MEIS2: variants seen among roughly 807,000 people sequenced by gnomAD.
The protein encoded by MEIS2 is homeobox protein Meis2.
MEIS2 carries 9 observed loss-of-function variants against 58.6 expected under a neutral mutation model. That is an observed-to-expected ratio of 0.15 (90% CI 0.09 to 0.27). The LOEUF is 0.27. Among genes scored for constraint, MEIS2 ranks in the 10% least tolerant of loss-of-function variants. The pLI, the probability that MEIS2 is intolerant of heterozygous loss-of-function variation, is 1.00. For synonymous variants in MEIS2, 221 were observed against 228.4 expected (o/e 0.97, Z 0.29); for missense variants, 427 against 635.0 (o/e 0.67, Z 3.52).
chr15:37,070,870 A>AT (rs577500566), intron 7 of MEIS2, among the ~76,000 whole-genome samples: 1 of 151,848 alleles, frequency 6.6e-6, no homozygotes, highest in Non-Finnish European at 1.5e-5. Context: ...TCAAAGCTTT[A>AT]TTTTTTTTAA....
chr15:36,995,649 G>A (rs1456253926), intron 8 of MEIS2, among the ~76,000 whole-genome samples: 2 of 117,270 alleles, frequency 1.7e-5, no homozygotes, highest in African/African-American at 6.3e-5. Context: ...CAGGAAACAA[G>A]GGTGATCCTA....
rs1555438306 is a variant in MEIS2 at position 36,971,553 on chromosome 15, A to AAAAAAAAAAAAAAAAAAAAAG, written c.901-21154_901-21153insCTTTTTTTTTTTTTTTTTTTT. On this transcript the variant is annotated intron_variant, in intron 8 of 11. Transcript: ENST00000561208. Reference sequence around the variant, plus strand: ...TTGTTACATTAAAAAAAAAAAAAAAAAAAAAAAAAAAGGGCTGTTCCAGTG... The same window carrying AAAAAAAAAAAAAAAAAAAAAG: ...TTGTTACATTAAAAAAAAAAAAAAAAAAAAAAAAAAAAAAAAAAAAGAAAAAAAAAAAGGGCTGTTCCAGTG... Among the ~76,000 whole-genome samples the AAAAAAAAAAAAAAAAAAAAAG allele has an allele frequency of 1.9e-3, 245 of 132,026 alleles. 11 individuals carry two copies. Among genetic ancestry groups the AAAAAAAAAAAAAAAAAAAAAG allele is most frequent in the East Asian group, 6.3e-3 (24 of 3,838 alleles). The allele number at this position is 132,026 out of a possible 152,430, so 86.6% of individuals were successfully genotyped here.
chr15:36,958,036 AG>A (rs1234927399), intron 8 of MEIS2, among the ~76,000 whole-genome samples: 15 of 152,286 alleles, frequency 9.8e-5, no homozygotes, highest in African/African-American at 2.9e-4. Flanking sequence ...ATTTGGGAGG[AG>A]GGGAAAGTGA....
intron 9 of MEIS2, among the ~76,000 whole-genome samples, chr15:36,916,279 T>G (rs2057275299): frequency 6.6e-6 from 1 of 151,848 alleles, no homozygotes; most frequent in Non-Finnish European, 1.5e-5. Flanking sequence ...TACAAAAAAT[T>G]AGCTGGGCGT....
chr15:37,018,008 G>A (rs561416526), intron 8 of MEIS2, among the ~76,000 whole-genome samples: 5 of 152,106 alleles, frequency 3.3e-5, no homozygotes, highest in Admixed American at 2.0e-4. Context: ...GTAAGTGCCT[G>A]GCCCATCATT....
intron 7 of MEIS2, among the ~76,000 whole-genome samples, chr15:37,047,133 C>A (rs1413177516): frequency 6.6e-6 from 1 of 152,056 alleles, no homozygotes; most frequent in Admixed American, 6.5e-5. Flanking sequence ...CATAATAAAG[C>A]TCTTCTGGGC....
intron 9 of MEIS2, among the ~76,000 whole-genome samples, chr15:36,906,395 A>T (rs182220606): frequency 6.6e-6 from 1 of 152,270 alleles, no homozygotes. Context: ...AATGAAAAAG[A>T]AGTAGGGTAT....
At chr15:37,007,903 GA>G (rs1160037930) in intron 8 of MEIS2, among the ~76,000 whole-genome samples, 1 of 152,140 alleles carries the variant, frequency 6.6e-6, no homozygotes, top group Admixed American at 6.5e-5. Context: ...CAGACCTCTA[GA>G]AAACAACTTT....
At chr15:37,080,656 C>T (rs1478925407) in intron 7 of MEIS2, among the ~76,000 whole-genome samples, 1 of 152,110 alleles carries the variant, frequency 6.6e-6, no homozygotes, top group Non-Finnish European at 1.5e-5. Context: ...CCAGTTACTT[C>T]CCCAGAGCCC....
chr15:37,099,117 A>C, intron 1 of MEIS2: 1 of 1,046,728 alleles, frequency 9.6e-7, no homozygotes, highest in East Asian at 7.0e-5. Context: ...AACCGGGGGA[A>C]TCGCGCTGCT....
At chr15:36,922,220 A>C (rs1437176265) in intron 9 of MEIS2, among the ~76,000 whole-genome samples, 1 of 152,194 alleles carries the variant, frequency 6.6e-6, no homozygotes, top group Non-Finnish European at 1.5e-5. Context: ...TGCAACAGTG[A>C]ACAAGCCCTC....
intron 8 of MEIS2, among the ~76,000 whole-genome samples, chr15:37,018,116 T>G (rs1309493755): frequency 6.6e-6 from 1 of 152,182 alleles, no homozygotes; most frequent in African/African-American, 2.4e-5. Flanking sequence ...GTTAAATAAC[T>G]TGTGCAAGAC....
intron 8 of MEIS2, among the ~76,000 whole-genome samples, chr15:37,009,468 G>A (rs985216783): frequency 1.3e-5 from 2 of 152,168 alleles, no homozygotes; most frequent in African/African-American, 4.8e-5. Flanking sequence ...TTAAGCTGAA[G>A]CCAATGTTTA....
rs1284161321 is a variant in MEIS2 at position 36,889,618 on chromosome 15, C to G, written c.*2555G>C. The G allele has an allele frequency of 6.6e-6, 1 of 152,084 alleles. No homozygotes were observed. Among genetic ancestry groups the G allele is most frequent in the East Asian group, 1.9e-4 (1 of 5,192 alleles). 9.4% of individuals were successfully genotyped at this position (152,084 alleles called of 1,614,324 possible). A position where few individuals can be genotyped will look rare whatever the true frequency, so the allele number is the denominator to read the frequency against. On this transcript the variant is annotated 3_prime_UTR_variant, in exon 12 of 12. Coordinates refer to ENST00000561208, the MANE Select transcript of MEIS2 (RefSeq NM_170675.5). ...GTTGAGAGCTCTGGTCTCTAAACTT[C>G]AATGAGATAACTTGATAATTGCATA...
intron 9 of MEIS2, among the ~76,000 whole-genome samples, chr15:36,913,126 G>A (rs2057119785): frequency 6.6e-6 from 1 of 152,092 alleles, no homozygotes; most frequent in South Asian, 2.1e-4. Context: ...TTTAAATTTG[G>A]TATACATTTG....
intron 8 of MEIS2, among the ~76,000 whole-genome samples, chr15:37,018,588 T>A (rs2061424819): frequency 6.6e-6 from 1 of 151,462 alleles, no homozygotes; most frequent in Non-Finnish European, 1.5e-5. Flanking sequence ...GTAAGCTGAT[T>A]TGGAGTCCGA....
At position 37,022,099 on chromosome 15, in the gene MEIS2, A is replaced by T. The variant is rs917479789; in HGVS notation, c.900+14715T>A. On this transcript the variant is annotated intron_variant, in intron 8 of 11. Transcript: ENST00000561208. ...TTGCATAATTTTTGTGTACTTTTAG[A>T]ATTATTTCTTCATGACAAACTCCTA... Among the ~76,000 whole-genome samples the T allele has an allele frequency of 4.6e-5, 7 of 151,982 alleles. 1 individual carries two copies. Among genetic ancestry groups the T allele is most frequent in the Admixed American group, 4.6e-4 (7 of 15,236 alleles).
intron 9 of MEIS2, among the ~76,000 whole-genome samples, chr15:36,949,454 T>C (rs555102608): frequency 6.6e-6 from 1 of 152,126 alleles, no homozygotes; most frequent in Admixed American, 6.6e-5. Flanking sequence ...AAGCTGTGAA[T>C]AAAGGCAGAG....
At chr15:36,984,357 T>C (rs888066975) in intron 8 of MEIS2, among the ~76,000 whole-genome samples, 1 of 152,136 alleles carries the variant, frequency 6.6e-6, no homozygotes. Context: ...GATCATATGA[T>C]TTTTATTCTT....
Sources: gnomAD v4.1 joint callset for allele counts (sites outside exome capture counted in the v4.1 genomes callset) on GRCh38, gnomAD v4.1.1 for gene constraint, MANE v1.5 for transcripts, NCBI Gene and HGNC (gene_info 2026-07-23, HGNC 2026-07-21) for gene names.